ACYP2: variants seen among roughly 807,000 people sequenced by gnomAD.
The protein encoded by ACYP2 is acylphosphatase-2.
Under a neutral mutation model 11.2 loss-of-function variants are expected in ACYP2, and 12 were observed. The ratio of observed to expected loss-of-function variants is 1.08; its 90% CI spans 0.69 to 1.74. The LOEUF (loss-of-function observed/expected upper bound fraction) is 1.74, where lower values mean the gene tolerates loss of function less well. Among genes scored for constraint, ACYP2 ranks in the 40% most tolerant of loss-of-function variants. The pLI is 0.00. For missense variants in ACYP2, 134 were observed against 101.9 expected, an observed-to-expected ratio of 1.31 and a Z score of -1.35; for synonymous variants, 43 against 32.2, an observed-to-expected ratio of 1.33 and a Z score of -1.13.
intron 6 of ACYP2, among the ~76,000 whole-genome samples, chr2:54,244,322 C>T (rs1398507232): frequency 2.0e-5 from 3 of 152,188 alleles, no homozygotes; most frequent in African/African-American, 7.2e-5. Flanking sequence ...GCGCCTTAGC[C>T]TCCCCAGTAG....
In ACYP2 at chr2:54,255,477, C is replaced by G. The variant is rs773328880; in HGVS notation, c.405-49211C>G. Reference sequence around the variant, plus strand: ...GAATCTGCCCAAACCTGCGCTCCACCTGCAGGAGCGCCCTGTCAGCCTCTG... The same window carrying G: ...GAATCTGCCCAAACCTGCGCTCCACGTGCAGGAGCGCCCTGTCAGCCTCTG... On this transcript the variant is annotated intron_variant, in intron 6 of 6. Transcript: ENST00000607452. 3.1e-6 allele frequency: 5 copies of G among 1,614,072 alleles called. No individual in the cohort carries two copies. The South Asian group carries it at 4.4e-5, about 14-fold the overall frequency.
intron 6 of ACYP2, among the ~76,000 whole-genome samples, chr2:54,303,831 C>G (rs1300561536): frequency 2.6e-5 from 4 of 152,206 alleles, no homozygotes; most frequent in Non-Finnish European, 5.9e-5. Context: ...TAACAGCCAT[C>G]ATTTGTATAA....
At chr2:54,165,511 T>C (rs1369976868) in intron 6 of ACYP2, among the ~76,000 whole-genome samples, 2 of 112,254 alleles carry the variant, frequency 1.8e-5, no homozygotes, top group East Asian at 6.0e-4. Context: ...TCTCTCTCTC[T>C]TTCACTCTCT....
At chr2:54,113,190 C>T (rs953269095) in intron 4 of ACYP2, among the ~76,000 whole-genome samples, 4 of 151,388 alleles carry the variant, frequency 2.6e-5, no homozygotes, top group Admixed American at 2.6e-4. Flanking sequence ...CTGTATTGTT[C>T]AGGGAATGAT....
chr2:54,151,354 C>T (rs1382054803), intron 6 of ACYP2, among the ~76,000 whole-genome samples: 1 of 152,118 alleles, frequency 6.6e-6, no homozygotes, highest in Non-Finnish European at 1.5e-5. Context: ...TCCAGCAGAC[C>T]ATTAGTGGCA....
chr2:53,995,458 A>T (rs904929553), intron 2 of ACYP2, among the ~76,000 whole-genome samples: 3 of 150,502 alleles, frequency 2.0e-5, no homozygotes, highest in Admixed American at 2.0e-4. Flanking sequence ...AATTAATTCA[A>T]TGCTATTATT....
chr2:54,188,282 A>T (rs1483787339), intron 6 of ACYP2, among the ~76,000 whole-genome samples: 6 of 152,194 alleles, frequency 3.9e-5, no homozygotes, highest in Non-Finnish European at 8.8e-5. Context: ...AAAACCTTTA[A>T]AAATATCCAG....
chr2:54,114,379 T>TAAAAAAAAAAAA (rs1558537457), intron 4 of ACYP2, among the ~76,000 whole-genome samples: 1 of 24,372 alleles, frequency 4.1e-5, no homozygotes, highest in African/African-American at 2.0e-4. Flanking sequence ...ATCAAGACAA[T>TAAAAAAAAAAAA]CAAAAAAAAA....
chr2:54,202,500 C>T (rs570488571), intron 6 of ACYP2, among the ~76,000 whole-genome samples: 5 of 150,316 alleles, frequency 3.3e-5, no homozygotes, highest in East Asian at 3.9e-4. Context: ...CTCTGCCTCC[C>T]GGGTTCAAGC....
intron 6 of ACYP2, among the ~76,000 whole-genome samples, chr2:54,257,024 T>A (rs1251887576): frequency 6.6e-6 from 1 of 152,138 alleles, no homozygotes; most frequent in Non-Finnish European, 1.5e-5. Context: ...CATCTTAATA[T>A]GTGCCAATTT....
chr2:54,148,579 G>A (rs111469839), intron 6 of ACYP2, among the ~76,000 whole-genome samples: 129 of 152,172 alleles, frequency 8.5e-4, no homozygotes, highest in African/African-American at 2.8e-3. Context: ...TAGATAAATG[G>A]GTCATCCCTG....
intron 6 of ACYP2, chr2:54,255,476 C>G: frequency 6.2e-7 from 1 of 1,614,016 alleles, no homozygotes; most frequent in Non-Finnish European, 8.5e-7. Context: ...CTGCGCTCCA[C>G]CTGCAGGAGC....
intron 2 of ACYP2, among the ~76,000 whole-genome samples, chr2:54,023,126 C>T (rs187613306): frequency 6.1e-4 from 93 of 152,278 alleles, no homozygotes; most frequent in South Asian, 3.9e-3. Context: ...CTATACCCAG[C>T]GTGCATAGCC....
Position 54,305,101 on chromosome 2 carries a change from G to A in ACYP2, c.*299G>A, listed in dbSNP as rs559680712. On this transcript the variant is annotated 3_prime_UTR_variant, in exon 7 of 7. Coordinates refer to ENST00000607452, the MANE Select transcript of ACYP2 (RefSeq NM_001320586.2). ...TCAATGAACATTACAGCATATATAT[G>A]TTATTTGGCGAGACATCAAATAAAG... is the stretch of plus-strand genomic sequence containing the variant. 49 of 188,796 alleles carry A rather than the reference G, an allele frequency of 2.6e-4. No homozygotes were observed. Among genetic ancestry groups the A allele is most frequent in the African/African-American group, 1.1e-3 (47 of 43,044 alleles). The allele number at this position is 188,796 out of a possible 1,614,324, so 11.7% of individuals were successfully genotyped here.
At chr2:53,985,134 A>C (rs545964166) in intron 2 of ACYP2, among the ~76,000 whole-genome samples, 1 of 150,742 alleles carries the variant, frequency 6.6e-6, no homozygotes, top group Non-Finnish European at 1.5e-5. Context: ...CAGTGGCGCA[A>C]TTTCCGCTCA....
chr2:54,022,437 A>G (rs1422506692), intron 2 of ACYP2, among the ~76,000 whole-genome samples: 2 of 152,118 alleles, frequency 1.3e-5, no homozygotes, highest in Non-Finnish European at 2.9e-5. Flanking sequence ...GCTAGAGTAC[A>G]GTGGCCTGAT....
intron 6 of ACYP2, chr2:54,254,990 G>A (rs1207723378): frequency 5.0e-6 from 8 of 1,613,916 alleles, no homozygotes; most frequent in Admixed American, 1.7e-5. Context: ...CTAGCTCTAT[G>A]GGCGTCTTCA....
At chr2:54,128,630 G>T (rs1442270292) in intron 4 of ACYP2, among the ~76,000 whole-genome samples, 1 of 152,086 alleles carries the variant, frequency 6.6e-6, no homozygotes, top group African/African-American at 2.4e-5. Context: ...TCACACCACT[G>T]CACTCCAGCC....
chr2:53,984,564 CA>C (rs1471869780), intron 2 of ACYP2, among the ~76,000 whole-genome samples: 18 of 151,470 alleles, frequency 1.2e-4, no homozygotes, highest in African/African-American at 4.4e-4. Flanking sequence ...GCAACAAGAG[CA>C]AAACTTAAAA....
Sources: gnomAD v4.1 joint callset for allele counts (sites outside exome capture counted in the v4.1 genomes callset) on GRCh38, gnomAD v4.1.1 for gene constraint, MANE v1.5 for transcripts, NCBI Gene and HGNC (gene_info 2026-07-23, HGNC 2026-07-21) for gene names.